ZHX2: variants seen among roughly 807,000 people sequenced by gnomAD.
The protein encoded by ZHX2 is zinc fingers and homeoboxes protein 2.
Under a neutral mutation model 21.9 loss-of-function variants are expected in ZHX2, and 6 were observed. The ratio of observed to expected loss-of-function variants is 0.27; its 90% confidence interval spans 0.15 to 0.54. The LOEUF is 0.54. ZHX2 is among the 20% of genes least tolerant of loss of function. The probability of loss-of-function intolerance (pLI) is 0.95; values close to 1 mark genes in which losing one functional copy is unlikely to be tolerated. For synonymous variants in ZHX2, 434 were observed against 437.1 expected, an observed-to-expected ratio of 0.99 and a Z score of 0.09; for missense variants, 908 against 1,090.7, an observed-to-expected ratio of 0.83 and a Z score of 2.36.
intron 2 of ZHX2, among the ~76,000 whole-genome samples, chr8:122,873,467 G>T (rs1819494029): frequency 6.6e-6 from 1 of 152,130 alleles, no homozygotes; most frequent in Non-Finnish European, 1.5e-5. Context: ...GTCCGTACTT[G>T]GCCCCTGTGC....
chr8:122,885,562 G>A (rs1408965210), intron 2 of ZHX2, among the ~76,000 whole-genome samples: 1 of 152,230 alleles, frequency 6.6e-6, no homozygotes, highest in Non-Finnish European at 1.5e-5. Context: ...GTGGTTCTCA[G>A]TAGTGGGTTG....
intron 1 of ZHX2, among the ~76,000 whole-genome samples, chr8:122,798,506 G>T (rs1817656092): frequency 6.6e-6 from 1 of 152,114 alleles, no homozygotes; most frequent in Non-Finnish European, 1.5e-5. Context: ...AAAAAGTAAG[G>T]ACCCGGCTGA....
At chr8:122,789,098 G>T (rs1288066991) in intron 1 of ZHX2, among the ~76,000 whole-genome samples, 2 of 152,232 alleles carry the variant, frequency 1.3e-5, no homozygotes, top group Non-Finnish European at 2.9e-5. Context: ...CTCCTTTCAG[G>T]ATGCAGAGTG....
intron 2 of ZHX2, among the ~76,000 whole-genome samples, chr8:122,910,385 T>G (rs1820448740): frequency 6.6e-6 from 1 of 152,154 alleles, no homozygotes; most frequent in Non-Finnish European, 1.5e-5. Context: ...GTTCACCTGA[T>G]GGAGGTTTGC....
At chr8:122,894,958 T>C (rs1383780436) in intron 2 of ZHX2, among the ~76,000 whole-genome samples, 2 of 152,120 alleles carry the variant, frequency 1.3e-5, no homozygotes, top group Non-Finnish European at 2.9e-5. Flanking sequence ...AATGTTTGAA[T>C]CACAGTACAT....
At chr8:122,878,390 G>A (rs1221902283) in intron 2 of ZHX2, among the ~76,000 whole-genome samples, 2 of 152,160 alleles carry the variant, frequency 1.3e-5, no homozygotes, top group African/African-American at 2.4e-5. Context: ...GGTCAGTGAG[G>A]GGGTCCTGCT....
At chr8:122,968,190 A>C (rs1413397414) in intron 3 of ZHX2, among the ~76,000 whole-genome samples, 1 of 152,150 alleles carries the variant, frequency 6.6e-6, no homozygotes, top group African/African-American at 2.4e-5. Flanking sequence ...TGGTTCTATT[A>C]AATTCCCCTG....
intron 1 of ZHX2, among the ~76,000 whole-genome samples, chr8:122,833,468 T>C (rs1818423204): frequency 6.6e-6 from 1 of 152,134 alleles, no homozygotes; most frequent in Non-Finnish European, 1.5e-5. Context: ...TGTGGTGTTC[T>C]GTGACTGAAG....
intron 2 of ZHX2, among the ~76,000 whole-genome samples, chr8:122,940,721 A>T (rs567410809): frequency 3.1e-4 from 47 of 152,328 alleles, no homozygotes; most frequent in African/African-American, 1.1e-3. Flanking sequence ...GGCCACTTGG[A>T]ATTTGTGAGA....
intron 2 of ZHX2, among the ~76,000 whole-genome samples, chr8:122,909,490 G>A (rs375517937): frequency 8.7e-4 from 131 of 151,280 alleles, no homozygotes; most frequent in African/African-American, 3.0e-3. Context: ...GTGAATACTC[G>A]TTGCTCTTTA....
In ZHX2 at chr8:122,785,837, G is replaced by T. The variant is rs1373584645; in HGVS notation, c.-283+3891G>T. 2.0e-5 allele frequency among the ~76,000 whole-genome samples: 3 copies of T among 152,188 alleles called. No individual in the cohort carries two copies. The East Asian group carries it at 5.8e-4, about 29-fold the overall frequency. ...CAAAGAGATGATGCCAGGCTTGGGG[G>T]TGCACATGGAGGAGGCTGGCTTTTA... is the stretch of plus-strand genomic sequence containing the variant. On this transcript the variant is annotated intron_variant, in intron 1 of 3. Coordinates refer to ENST00000314393, the MANE Select transcript of ZHX2 (RefSeq NM_014943.5).
intron 2 of ZHX2, among the ~76,000 whole-genome samples, chr8:122,874,029 A>G (rs1037935180): frequency 3.3e-5 from 5 of 152,234 alleles, no homozygotes; most frequent in Non-Finnish European, 7.3e-5. Context: ...CTAAGGTCAG[A>G]TGATTAGCAA....
intron 2 of ZHX2, among the ~76,000 whole-genome samples, chr8:122,940,722 A>G (rs536393277): frequency 2.6e-5 from 4 of 152,332 alleles, no homozygotes; most frequent in African/African-American, 4.8e-5. Flanking sequence ...GCCACTTGGA[A>G]TTTGTGAGAA....
At chr8:122,820,756 G>C (rs866548331) in intron 1 of ZHX2, among the ~76,000 whole-genome samples, 9 of 152,134 alleles carry the variant, frequency 5.9e-5, no homozygotes, top group African/African-American at 2.2e-4. Flanking sequence ...TGGTTTTATG[G>C]GTGCTTTAGA....
At chr8:122,912,100 G>A (rs559193958) in intron 2 of ZHX2, among the ~76,000 whole-genome samples, 345 of 152,314 alleles carry the variant, frequency 2.3e-3, no homozygotes, top group African/African-American at 7.8e-3. Context: ...TGCAAACTGG[G>A]TTCATGAAGA....
intron 1 of ZHX2, chr8:122,807,982 C>G (rs1341470313): frequency 6.6e-6 from 1 of 152,144 alleles, no homozygotes; most frequent in Non-Finnish European, 1.5e-5. Flanking sequence ...TGCAACTTGT[C>G]CAAGGTCACC....
intron 2 of ZHX2, among the ~76,000 whole-genome samples, chr8:122,904,116 T>C (rs1026557013): frequency 5.3e-5 from 8 of 152,104 alleles, no homozygotes; most frequent in African/African-American, 1.9e-4. Flanking sequence ...TATCCTAGAC[T>C]TAGAGCTGAA....
chr8:122,858,476 C>T (rs1000907428), intron 1 of ZHX2, among the ~76,000 whole-genome samples: 3 of 152,102 alleles, frequency 2.0e-5, no homozygotes, highest in Non-Finnish European at 4.4e-5. Context: ...GGGGAAAATG[C>T]CACTGGCTTA....
chr8:122,880,581 C>G (rs1014964296), intron 2 of ZHX2, among the ~76,000 whole-genome samples: 1 of 151,948 alleles, frequency 6.6e-6, no homozygotes, highest in African/African-American at 2.4e-5. Flanking sequence ...TCGAGACCAG[C>G]CTGGGCAACA....
Sources: gnomAD v4.1 joint callset for allele counts (sites outside exome capture counted in the v4.1 genomes callset) on GRCh38, gnomAD v4.1.1 for gene constraint, MANE v1.5 for transcripts, NCBI Gene and HGNC (gene_info 2026-07-23, HGNC 2026-07-21) for gene names.